The following CUX1 variants were observed in gnomAD, a reference collection of about 807,000 sequenced individuals.
CUX1 encodes the protein cut like homeobox 1.
CUX1 carries 31 observed loss-of-function variants against 158.8 expected under a neutral mutation model. That is an observed-to-expected ratio of 0.20 (90% CI 0.15 to 0.26). The LOEUF (loss-of-function observed/expected upper bound fraction) is 0.26. Ranked by LOEUF, CUX1 falls within the 10% of genes least tolerant of loss-of-function variation. CUX1 has a pLI of 1.00. For missense variants in CUX1, 1,589 were observed against 2,014.6 expected (o/e 0.79, Z 4.04); for synonymous variants, 879 against 862.1 (o/e 1.02, Z -0.34).
At chr7:101,865,665 T>C (rs924099984) in intron 1 of CUX1, among the ~76,000 whole-genome samples, 12 of 152,254 alleles carry the variant, frequency 7.9e-5, no homozygotes, top group African/African-American at 2.9e-4. Context: ...AGGATGTTTG[T>C]GAACGCCGAA....
intron 8 of CUX1, among the ~76,000 whole-genome samples, chr7:102,151,726 T>G (rs573692885): frequency 6.4e-4 from 21 of 33,050 alleles, no homozygotes; most frequent in Non-Finnish European, 9.2e-4. Context: ...AGACTCTGTC[T>G]CAAAAAAAAA....
At chr7:101,978,491 T>C (rs531142124) in intron 2 of CUX1, among the ~76,000 whole-genome samples, 1 of 152,368 alleles carries the variant, frequency 6.6e-6, no homozygotes, top group East Asian at 1.9e-4. Context: ...CCCAAGCCAC[T>C]GTCATGGCCA....
chr7:102,018,057 A>G (rs1392544270), intron 2 of CUX1, among the ~76,000 whole-genome samples: 1 of 152,162 alleles, frequency 6.6e-6, no homozygotes, highest in African/African-American at 2.4e-5. Context: ...CCTGGGCTCA[A>G]GTGATCCTCC....
chr7:101,851,610 C>G (rs1796275520), intron 1 of CUX1, among the ~76,000 whole-genome samples: 1 of 152,224 alleles, frequency 6.6e-6, no homozygotes, highest in South Asian at 2.1e-4. Flanking sequence ...TCCCCGTTTT[C>G]TAGCATCCGT....
chr7:102,111,812 A>G (rs782095750), intron 7 of CUX1, 38 bp downstream of exon 7: 1 of 1,589,596 alleles, frequency 6.3e-7, no homozygotes, highest in Admixed American at 1.7e-5. Flanking sequence ...GGATGTGGGG[A>G]GGACCCAGGG....
intron 3 of CUX1, among the ~76,000 whole-genome samples, chr7:102,048,729 TGAGGCAGGGGAATCACTTGAACCTGG>T (rs1563174982): frequency 1.3e-5 from 2 of 152,262 alleles, no homozygotes; most frequent in East Asian, 3.9e-4. Flanking sequence ...CTCGAGAGGC[TGAGGCAGGGGAATCACTTGAACCTGG>T]GAGGCAGAGG....
intron 1 of CUX1, among the ~76,000 whole-genome samples, chr7:101,868,092 T>C (rs891904953): frequency 6.6e-6 from 1 of 152,180 alleles, no homozygotes; most frequent in Non-Finnish European, 1.5e-5. Context: ...AGCGATCCTC[T>C]TGCCTTCACC....
In CUX1 at chr7:102,211,949, C is replaced by T. The variant is rs142151119; in HGVS notation, c.3130+6779C>T. 8.5e-5 allele frequency among the ~76,000 whole-genome samples: 13 copies of T among 152,212 alleles called. No individual in the cohort carries two copies. In the East Asian group the frequency reaches 2.3e-3, roughly 27 times the overall value. ...GAGGCTGGGGGGCCGCCCCAAGAGC[C>T]ACAGGAGGAAGGGCACATGCGCTTC... On this transcript the variant is annotated intron_variant, in intron 20 of 23. Coordinates refer to ENST00000292535, the MANE Select transcript of CUX1 (RefSeq NM_181552.4).
chr7:102,206,822 C>T (rs1480803104), intron 20 of CUX1, among the ~76,000 whole-genome samples: 1 of 152,058 alleles, frequency 6.6e-6, no homozygotes, highest in Non-Finnish European at 1.5e-5. Context: ...TTGCTTGAAC[C>T]CAGGAGGCGG....
Position 102,158,605 on chromosome 7 carries a change from C to T in CUX1, c.720C>T (p.Asn240=), listed in dbSNP as rs782141090. The change falls in exon 9 of 24, where the codon AAC becomes AAT. Residue 240 remains asparagine (N), a synonymous_variant. Coordinates refer to ENST00000292535, the MANE Select transcript of CUX1 (RefSeq NM_181552.4). ...TCATGACGGACCTTGAAAGGGCAAA[C>T]CAGGTAGGACCCTGGACGCTTTTAG... ...EMIMTDLERA[N]QRAEVAQREA... is the part of the protein sequence containing the mutation. The T allele has an allele frequency of 8.1e-6, 13 of 1,613,824 alleles. No homozygotes were observed. The highest frequency in any genetic ancestry group is 1.7e-6 in the Non-Finnish European group (2 of 1,179,932).
chr7:102,057,612 G>A (rs7802265), intron 3 of CUX1, among the ~76,000 whole-genome samples: 22,748 of 152,092 alleles, frequency 0.15, 3,925 homozygotes, highest in African/African-American at 0.43. Context: ...AACTGCAGAT[G>A]CGGGGGAAAT....
chr7:102,196,351 G>T (rs985005386), intron 14 of CUX1, among the ~76,000 whole-genome samples: 3 of 152,180 alleles, frequency 2.0e-5, no homozygotes, highest in African/African-American at 4.8e-5. Flanking sequence ...CCAGCTCCTT[G>T]TCACGCTAGG....
At chr7:102,179,160 G>A (rs1737554500) in intron 11 of CUX1, among the ~76,000 whole-genome samples, 1 of 152,230 alleles carries the variant, frequency 6.6e-6, no homozygotes, top group Non-Finnish European at 1.5e-5. Flanking sequence ...CGATTCTCCT[G>A]CCTCAGCCTC....
chr7:102,165,440 C>G (rs975826290), intron 9 of CUX1, among the ~76,000 whole-genome samples: 1 of 151,420 alleles, frequency 6.6e-6, no homozygotes, highest in Admixed American at 6.6e-5. Flanking sequence ...GCACCCTCCC[C>G]CTCCCAGATT....
intron 9 of CUX1, among the ~76,000 whole-genome samples, chr7:102,163,742 C>A (rs1478812594): frequency 6.6e-6 from 1 of 152,070 alleles, no homozygotes; most frequent in Non-Finnish European, 1.5e-5. Context: ...AAGAGGAGGG[C>A]GCAGACACAG....
At chr7:102,191,441 C>T (rs1255582053) in intron 12 of CUX1, among the ~76,000 whole-genome samples, 1 of 152,080 alleles carries the variant, frequency 6.6e-6, no homozygotes, top group Non-Finnish European at 1.5e-5. Context: ...CCATGTTGGT[C>T]AGGCTGGTCT....
At chr7:102,053,009 C>T (rs1322717423) in intron 3 of CUX1, among the ~76,000 whole-genome samples, 2 of 152,078 alleles carry the variant, frequency 1.3e-5, no homozygotes, top group Non-Finnish European at 2.9e-5. Flanking sequence ...AGGGTTTCAC[C>T]ATGTTGGCCA....
At chr7:102,191,279 G>A (rs1360726932) in intron 12 of CUX1, among the ~76,000 whole-genome samples, 1 of 152,190 alleles carries the variant, frequency 6.6e-6, no homozygotes, top group East Asian at 1.9e-4. Flanking sequence ...TGTTGCCCAG[G>A]CTGGAGTGCA....
chr7:102,105,678 G>A (rs201485), intron 6 of CUX1, among the ~76,000 whole-genome samples: 94,370 of 151,484 alleles, frequency 0.62, 31,094 homozygotes, highest in African/African-American at 0.8. Context: ...ACGCCTGGCT[G>A]ACTTTTGTAT....
Sources: allele counts gnomAD v4.1 joint callset (sites outside exome capture counted in the v4.1 genomes callset), GRCh38; gene constraint gnomAD v4.1.1; transcripts MANE v1.5; gene names NCBI Gene and HGNC (gene_info 2026-07-23, HGNC 2026-07-21).